Variants in SMYD3 observed in about 807,000 individuals in gnomAD.
SMYD3 encodes the protein SET and MYND domain containing 3.
SMYD3 carries 36 observed loss-of-function variants against 57.7 expected under a neutral mutation model. The observed-to-expected ratio is 0.62, with a 90% CI of 0.48 to 0.82. The LOEUF (loss-of-function observed/expected upper bound fraction) is 0.82. SMYD3 is among the 40% of genes least tolerant of loss of function. The pLI is 0.00. For synonymous variants in SMYD3, 211 were observed against 195.0 expected, an observed-to-expected ratio of 1.08 and a Z score of -0.68; for missense variants, 515 against 538.8, an observed-to-expected ratio of 0.96 and a Z score of 0.44.
In SMYD3 at chr1:246,002,323, T is replaced by C. The variant is rs1190171180; in HGVS notation, c.532-72386A>G. Among the ~76,000 whole-genome samples, 16 of 73,552 alleles carry C rather than the reference T, an allele frequency of 2.2e-4. 3 individuals carry two copies. Among genetic ancestry groups the C allele is most frequent in the Non-Finnish European group, 1.4e-4 (4 of 27,596 alleles). 48.3% of individuals were successfully genotyped at this position (73,552 alleles called of 152,430 possible). A position where few individuals can be genotyped will look rare whatever the true frequency, so the allele number is the denominator to read the frequency against. On this transcript the variant is annotated intron_variant, in intron 5 of 11. Transcript: ENST00000490107. ...CCTCAGCCTCCCGAGTAGCTGGGAC[T>C]GCAGGCTCCCGCCACCACGCCCGGC...
chr1:246,001,926 G>A (rs977173097), intron 5 of SMYD3, among the ~76,000 whole-genome samples: 6 of 152,012 alleles, frequency 3.9e-5, no homozygotes, highest in African/African-American at 9.7e-5. Context: ...CAGATTCTCC[G>A]GCCGCCAGTC....
At chr1:246,074,395 C>G (rs1239706799) in intron 5 of SMYD3, among the ~76,000 whole-genome samples, 1 of 150,552 alleles carries the variant, frequency 6.6e-6, no homozygotes, top group Non-Finnish European at 1.5e-5. Flanking sequence ...TGAACATACA[C>G]TAGAAGCAAC....
chr1:245,773,817 T>C (rs1030320493), intron 10 of SMYD3, among the ~76,000 whole-genome samples: 2 of 152,232 alleles, frequency 1.3e-5, no homozygotes, highest in Non-Finnish European at 2.9e-5. Flanking sequence ...ATTTATTCTG[T>C]ATAGTCTATC....
At chr1:245,800,658 G>A (rs2047814376) in intron 10 of SMYD3, among the ~76,000 whole-genome samples, 1 of 152,142 alleles carries the variant, frequency 6.6e-6, no homozygotes, top group African/African-American at 2.4e-5. Flanking sequence ...GATAACAAAT[G>A]ATGAAAACTT....
intron 10 of SMYD3, among the ~76,000 whole-genome samples, chr1:245,770,250 T>C (rs1379358227): frequency 6.6e-6 from 1 of 152,086 alleles, no homozygotes; most frequent in East Asian, 1.9e-4. Flanking sequence ...CATTGGTACT[T>C]TTCCCTTTGA....
intron 3 of SMYD3, among the ~76,000 whole-genome samples, chr1:246,331,579 T>TC (rs1199698288): frequency 6.6e-6 from 1 of 152,082 alleles, no homozygotes. Context: ...AGAACAAATT[T>TC]TTTTGTCTAA....
chr1:245,930,162 A>AT, intron 5 of SMYD3: 51 of 442,156 alleles, frequency 1.2e-4, no homozygotes, highest in East Asian at 5.4e-4. Flanking sequence ...ACCTCCTGGG[A>AT]GAAAAAAAAA....
At chr1:246,175,020 A>G (rs536276765) in intron 5 of SMYD3, among the ~76,000 whole-genome samples, 1 of 152,330 alleles carries the variant, frequency 6.6e-6, no homozygotes, top group South Asian at 2.1e-4. Flanking sequence ...CTCAAATATC[A>G]TCAAATTATA....
chr1:246,337,332 C>T (rs1296906214), intron 2 of SMYD3, among the ~76,000 whole-genome samples: 2 of 152,122 alleles, frequency 1.3e-5, no homozygotes, highest in Non-Finnish European at 2.9e-5. Context: ...CACAGTTTCC[C>T]ATGCTTGTTA....
intron 5 of SMYD3, among the ~76,000 whole-genome samples, chr1:246,117,497 T>G (rs1020402146): frequency 4.6e-5 from 7 of 152,226 alleles, no homozygotes; most frequent in African/African-American, 1.7e-4. Flanking sequence ...AGCATTTTCA[T>G]ATTACAATTG....
At chr1:245,758,348 A>G (rs2045698342) in intron 11 of SMYD3, among the ~76,000 whole-genome samples, 1 of 152,020 alleles carries the variant, frequency 6.6e-6, no homozygotes, top group Non-Finnish European at 1.5e-5. Flanking sequence ...TATAGAGATA[A>G]TTTTATTTCT....
chr1:245,863,819 T>G lies in SMYD3; in HGVS notation c.881A>C (p.Glu294Ala). The G allele has an allele frequency of 6.2e-7, 1 of 1,614,078 alleles. No individual in the cohort carries two copies. Among genetic ancestry groups the G allele is most frequent in the Non-Finnish European group, 8.5e-7 (1 of 1,179,968 alleles). The change falls in exon 9 of 12, where the codon GAA becomes GCA. Residue 294 changes from glutamate (E) to alanine (A), a missense_variant. Coordinates refer to ENST00000490107, the MANE Select transcript of SMYD3 (RefSeq NM_001167740.2). Reference protein sequence around the residue: ...KEVQESLKKIEELKAHWKWEQ... With the variant: ...KEVQESLKKIAELKAHWKWEQ... ...GATACTCCAGTGTGCCTTCAGTTCT[T>G]CAATTTTTTTCAGGGATTCTTGAAC...
chr1:245,777,728 C>T (rs954320243), intron 10 of SMYD3, among the ~76,000 whole-genome samples: 2 of 152,130 alleles, frequency 1.3e-5, no homozygotes, highest in Admixed American at 1.3e-4. Flanking sequence ...GCTTAATGGT[C>T]TGCCCACATC....
chr1:245,935,412 G>A (rs2056941912), intron 5 of SMYD3, among the ~76,000 whole-genome samples: 1 of 152,210 alleles, frequency 6.6e-6, no homozygotes, highest in Non-Finnish European at 1.5e-5. Flanking sequence ...AAACCTTGGT[G>A]AGGATGTGGA....
intron 5 of SMYD3, among the ~76,000 whole-genome samples, chr1:245,957,565 G>A (rs910591553): frequency 7.9e-5 from 12 of 152,108 alleles, no homozygotes; most frequent in Non-Finnish European, 1.6e-4. Context: ...CTTCCCTAGC[G>A]TTGCTGTATT....
At chr1:246,304,262 AAAAC>A (rs2064942743) in intron 5 of SMYD3, among the ~76,000 whole-genome samples, 2 of 152,384 alleles carry the variant, frequency 1.3e-5, no homozygotes, top group South Asian at 4.1e-4. Context: ...GCACACGTAC[AAAAC>A]AAATAGTATA....
intron 1 of SMYD3, among the ~76,000 whole-genome samples, chr1:246,447,750 A>G (rs560351433): frequency 2.0e-5 from 3 of 152,274 alleles, no homozygotes; most frequent in African/African-American, 7.2e-5. Context: ...AAGCAGCCCC[A>G]TCTCCTCTGG....
At chr1:246,052,569 C>G (rs571353299) in intron 5 of SMYD3, 1 of 152,204 alleles carries the variant, frequency 6.6e-6, no homozygotes, top group Non-Finnish European at 1.5e-5. Context: ...TCCACTCATA[C>G]AATTTATGTG....
At chr1:246,012,307 CATTTGATAGACTATTTT>C (rs1480086898) in intron 5 of SMYD3, among the ~76,000 whole-genome samples, 2 of 152,228 alleles carry the variant, frequency 1.3e-5, no homozygotes, top group Admixed American at 1.3e-4. Context: ...TGAAAACCCA[CATTTGATAGACTATTTT>C]ATAGCAAATG....
Sources: allele counts gnomAD v4.1 joint callset (sites outside exome capture counted in the v4.1 genomes callset), GRCh38; gene constraint gnomAD v4.1.1; transcripts MANE v1.5; gene names NCBI Gene and HGNC (gene_info 2026-07-23, HGNC 2026-07-21).